ADAM12: variants seen among roughly 807,000 people sequenced by gnomAD.
ADAM12 encodes disintegrin and metalloproteinase domain-containing protein 12.
In ADAM12, 70 loss-of-function variants were observed where a neutral mutation model predicts 106.4. That is an observed-to-expected ratio of 0.66 (90% CI 0.54 to 0.80). The LOEUF is 0.80. ADAM12 is among the 30% of genes least tolerant of loss of function. ADAM12 has a pLI of 0.00. For synonymous variants in ADAM12, 420 were observed against 433.5 expected, an observed-to-expected ratio of 0.97 and a Z score of 0.39; for missense variants, 1,010 against 1,171.9, an observed-to-expected ratio of 0.86 and a Z score of 2.02.
chr10:126,207,845 A>T (rs1347288022), intron 3 of ADAM12, among the ~76,000 whole-genome samples: 1 of 152,204 alleles, frequency 6.6e-6, no homozygotes, highest in Non-Finnish European at 1.5e-5. Flanking sequence ...CAATTCCAGG[A>T]TATATTGTTG....
intron 14 of ADAM12, among the ~76,000 whole-genome samples, chr10:126,061,938 GA>G (rs1311610513): frequency 6.6e-6 from 1 of 152,164 alleles, no homozygotes; most frequent in Non-Finnish European, 1.5e-5. Context: ...AAACCAGGCG[GA>G]AACACCGACA....
chr10:126,063,693 A>T (rs887506534), intron 14 of ADAM12, among the ~76,000 whole-genome samples: 6 of 152,196 alleles, frequency 3.9e-5, no homozygotes, highest in African/African-American at 1.4e-4. Context: ...ATCATAAGGG[A>T]AAGAGAACTG....
In ADAM12 at chr10:126,036,318, G is replaced by A. The variant is rs1391349631; in HGVS notation, c.2357C>T (p.Pro786Leu). 3.2e-6 allele frequency: 5 copies of A among 1,569,976 alleles called. No individual in the cohort carries two copies. Among genetic ancestry groups the A allele is most frequent in the South Asian group, 2.4e-5 (2 of 83,128 alleles). Residue 786 changes from proline (P) to leucine (L), a missense_variant, in exon 21 of 23, where the codon CCC becomes CTC. By Grantham distance (98) the Pro-to-Leu change is moderately conservative. Around this residue, in one of 3 missense-constraint regions of ADAM12, gnomAD observed 615 missense variants for 708.5 expected, o/e 0.87. Coordinates refer to ENST00000448723, the MANE Select transcript of ADAM12 (RefSeq NM_001288973.2). ...ATTCTGACACTGCAGCAATCTCCTG[G>A]GATTGTCCTGTACAGTCAAAGTAAA... ...PPDSYPPKDN[P>L]RRLLQCQNVD...
At chr10:126,160,217 T>C (rs981250871) in intron 3 of ADAM12, among the ~76,000 whole-genome samples, 2 of 152,204 alleles carry the variant, frequency 1.3e-5, no homozygotes, top group Non-Finnish European at 2.9e-5. Flanking sequence ...AGGCGGTGAA[T>C]GTTACGTGCG....
chr10:126,029,283 C>T (rs144013113), intron 21 of ADAM12, among the ~76,000 whole-genome samples: 377 of 151,878 alleles, frequency 2.5e-3, no homozygotes, highest in Middle Eastern at 6.8e-3. Flanking sequence ...CTATTATACA[C>T]GCATGCATAT....
At position 126,388,369 on chromosome 10, in the gene ADAM12, C is replaced by T. The variant is rs1856759135; in HGVS notation, c.-224G>A. 2 of 552,512 alleles carry T rather than the reference C, an allele frequency of 3.6e-6. No individual in the cohort carries two copies. The highest frequency in any genetic ancestry group is 5.2e-6 in the Non-Finnish European group (2 of 388,150). The allele number at this position is 552,512 out of a possible 1,614,324, so 34.2% of individuals were successfully genotyped here. On this transcript the variant is annotated 5_prime_UTR_variant, in exon 1 of 23. Transcript: ENST00000448723. The surrounding 1 kb of genome is among the most constrained non-coding windows in gnomAD (Gnocchi z 4.4). ...GTGTGTGCGTGCGTGCGCGCGCGCG[C>T]GCCGTTCTGGCACAAGCCAGCCTTG...
chr10:126,387,758 A>G (rs1297163202), intron 1 of ADAM12, among the ~76,000 whole-genome samples: 1 of 152,144 alleles, frequency 6.6e-6, no homozygotes, highest in African/African-American at 2.4e-5. Context: ...GTCAAGATAC[A>G]GAGACATCTG....
chr10:126,285,163 G>T (rs927085579), intron 2 of ADAM12, among the ~76,000 whole-genome samples: 1 of 152,164 alleles, frequency 6.6e-6, no homozygotes, highest in African/African-American at 2.4e-5. Flanking sequence ...GAGAGGAAAG[G>T]ACCACTTCCT....
intron 3 of ADAM12, among the ~76,000 whole-genome samples, chr10:126,194,575 A>G (rs1957563813): frequency 2.0e-5 from 3 of 152,250 alleles, no homozygotes; most frequent in African/African-American, 7.2e-5. Flanking sequence ...GCAAGAATAA[A>G]ATGAAATATA....
intron 3 of ADAM12, among the ~76,000 whole-genome samples, chr10:126,243,633 C>T (rs1468035086): frequency 3.3e-5 from 5 of 152,146 alleles, no homozygotes; most frequent in African/African-American, 9.7e-5. Flanking sequence ...TTTTTATTGA[C>T]TTCTTTTAGG....
intron 3 of ADAM12, among the ~76,000 whole-genome samples, chr10:126,169,620 C>T (rs984140208): frequency 6.6e-6 from 1 of 152,192 alleles, no homozygotes; most frequent in Admixed American, 6.5e-5. Flanking sequence ...CCACCAACAC[C>T]ACCCAATCCC....
At chr10:126,070,945 G>A (rs1416831246) in intron 12 of ADAM12, among the ~76,000 whole-genome samples, 1 of 152,150 alleles carries the variant, frequency 6.6e-6, no homozygotes, top group African/African-American at 2.4e-5. Flanking sequence ...AGATAAAAAC[G>A]TTCCCTGCCT....
chr10:126,192,060 C>T (rs562576471), intron 3 of ADAM12, among the ~76,000 whole-genome samples: 1 of 152,234 alleles, frequency 6.6e-6, no homozygotes, highest in African/African-American at 2.4e-5. Context: ...AAAGTCTGCC[C>T]CCGGCCCCAT....
rs1341559459 is a variant in ADAM12 at position 126,177,233 on chromosome 10, A to G, written c.261-21928T>C. 3.9e-5 allele frequency among the ~76,000 whole-genome samples: 6 copies of G among 152,252 alleles called. No individual in the cohort carries two copies. In the East Asian group the frequency reaches 9.7e-4, roughly 24 times the overall value. ...ATTACTTTACCAGGAGGAAAATAGA[A>G]GATAACATTAGATTGTAAATGGAAA... On this transcript the variant is annotated intron_variant, in intron 3 of 22. Transcript: ENST00000448723.
chr10:126,132,262 C>T (rs910229011), intron 5 of ADAM12, among the ~76,000 whole-genome samples: 10 of 152,162 alleles, frequency 6.6e-5, no homozygotes, highest in African/African-American at 1.9e-4. Flanking sequence ...CGTGAGCCAC[C>T]GCGCCCCCGG....
intron 9 of ADAM12, among the ~76,000 whole-genome samples, chr10:126,100,294 C>G (rs1955637673): frequency 6.6e-6 from 1 of 152,162 alleles, no homozygotes; most frequent in Non-Finnish European, 1.5e-5. Flanking sequence ...ACAGCCACAA[C>G]AGGAGGAGGA....
At chr10:126,345,710 T>C (rs1418211122) in intron 1 of ADAM12, among the ~76,000 whole-genome samples, 1 of 152,260 alleles carries the variant, frequency 6.6e-6, no homozygotes, top group Non-Finnish European at 1.5e-5. Context: ...AGCCTGTTAT[T>C]GGTCTATTCA....
chr10:126,277,431 G>T lies in ADAM12; in HGVS notation c.260+1484C>A, dbSNP rs561319663. On this transcript the variant is annotated intron_variant, in intron 3 of 22. Coordinates refer to ENST00000448723, the MANE Select transcript of ADAM12 (RefSeq NM_001288973.2). Reference sequence around the variant, plus strand: ...ATAAAGAACACTCCTAAATCCAGCTGCCCACCACAACAACCCCATCGAGAA... The same window carrying T: ...ATAAAGAACACTCCTAAATCCAGCTTCCCACCACAACAACCCCATCGAGAA... Among the ~76,000 whole-genome samples, 119 of 152,082 alleles carry T rather than the reference G, an allele frequency of 7.8e-4. 1 individual carries two copies. The highest frequency in any genetic ancestry group is 2.8e-3 in the African/African-American group (115 of 41,464).
At chr10:126,113,397 C>T (rs901914170) in intron 6 of ADAM12, among the ~76,000 whole-genome samples, 1 of 151,732 alleles carries the variant, frequency 6.6e-6, no homozygotes, top group African/African-American at 2.4e-5. Context: ...TGGTGGCTTA[C>T]GCCTGTAATC....
Sources: allele counts gnomAD v4.1 joint callset (sites outside exome capture counted in the v4.1 genomes callset), GRCh38; gene constraint gnomAD v4.1.1; regional missense constraint gnomAD v4.1.1; non-coding constraint Gnocchi (gnomAD v3.1); transcripts MANE v1.5; gene names NCBI Gene and HGNC (gene_info 2026-07-23, HGNC 2026-07-21).